The following EIF4G2 variants were observed in gnomAD, a reference collection of about 807,000 sequenced individuals.
EIF4G2 encodes the protein DAP-5.
In EIF4G2, 8 loss-of-function variants were observed where a neutral mutation model predicts 117.7. That is an observed-to-expected ratio of 0.07 (90% CI 0.04 to 0.12). EIF4G2 has a LOEUF of 0.12. Ranked by LOEUF, EIF4G2 falls within the 10% of genes least tolerant of loss-of-function variation. The pLI is 1.00. For synonymous variants in EIF4G2, 413 were observed against 367.8 expected, an observed-to-expected ratio of 1.12 and a Z score of -1.41; for missense variants, 812 against 1,086.2, an observed-to-expected ratio of 0.75 and a Z score of 3.55.
chr11:10,804,171 T>C lies in EIF4G2; in HGVS notation c.516A>G (p.Gln172=). The change falls in exon 7 of 22, where the codon CAA becomes CAG. Residue 172 remains glutamine, a synonymous_variant. Coordinates refer to ENST00000339995, the MANE Select transcript of EIF4G2 (RefSeq NM_001418.4). ...TTCTAGTTCGGTTTTCAAATTCATC[T>C]TGTAATTTGGAAATTAGGAGGCGTC... The C allele has an allele frequency of 6.2e-7, 1 of 1,614,242 alleles. No individual in the cohort carries two copies. The highest frequency in any genetic ancestry group is 8.5e-7 in the Non-Finnish European group (1 of 1,180,038).
chr11:10,801,102 A>G lies in EIF4G2; in HGVS notation c.1414-15T>C. ...CTCAGGCTAATCTGGAATTGAAAAC[A>G]AAATATATCTAAATTAACAACATGC... On this transcript the variant is annotated splice_polypyrimidine_tract_variant and intron_variant, in intron 14 of 21. Transcript: ENST00000339995. The G allele has an allele frequency of 1.2e-6, 2 of 1,613,616 alleles. No homozygotes were observed.
At chr11:10,807,571 G>A in intron 1 of EIF4G2, 190 bp from the exon 2 acceptor site, 1 of 1,251,166 alleles carries the variant, frequency 8.0e-7, no homozygotes. Context: ...CGGTGTTCAA[G>A]GATGCAAAGA....
chr11:10,803,470 A>G lies in EIF4G2; in HGVS notation c.813+10T>C. On this transcript the variant is annotated intron_variant, in intron 9 of 21. Transcript: ENST00000339995. This position sits in a 1 kb window ranked among gnomAD's most constrained non-coding sequence, Gnocchi z 4.0. ...ACTACTTGTACTACTTTCATCAGCT[A>G]CACACGTACCTTGGCTCGTTCATGG... 1.2e-6 allele frequency: 2 copies of G among 1,610,660 alleles called. No individual in the cohort carries two copies. The highest frequency in any genetic ancestry group is 1.3e-5 in the African/African-American group (1 of 74,990).
At chr11:10,801,875 C>G (rs1316520552) in intron 13 of EIF4G2, 101 bp from the exon 14 acceptor site, 3 of 1,246,534 alleles carry the variant, frequency 2.4e-6, no homozygotes, top group Non-Finnish European at 3.4e-6. Context: ...GTTAGTTTAA[C>G]TGAATTTGCC....
In EIF4G2 at chr11:10,802,404, G is replaced by C. The variant is rs376771266; in HGVS notation, c.1028C>G (p.Ala343Gly). Residue 343 changes from alanine (A) to glycine (G), a missense_variant, in exon 12 of 22, where the codon GCT (alanine) becomes GGT (glycine). Coordinates refer to ENST00000339995, the MANE Select transcript of EIF4G2 (RefSeq NM_001418.4). ...AAAGAAGTCACTTCTCATCCCTTGAGCCATAGGAGCAGGAATAAACACCCC... is the reference window on the plus strand; with the variant it reads ...AAAGAAGTCACTTCTCATCCCTTGACCCATAGGAGCAGGAATAAACACCCC... 1 of 1,611,000 alleles carries C rather than the reference G, an allele frequency of 6.2e-7. No homozygotes were observed. The highest frequency in any genetic ancestry group is 1.7e-5 in the Admixed American group (1 of 59,070).
intron 3 of EIF4G2, chr11:10,806,322 G>C: frequency 2.1e-6 from 1 of 471,246 alleles, no homozygotes; most frequent in Non-Finnish European, 3.8e-6. Context: ...CAGTATCAAC[G>C]CTGTGGAACC....
Position 10,800,711 on chromosome 11 carries a change from A to G in EIF4G2, c.1644+20T>C, listed in dbSNP as rs200875926. The stretch of plus-strand genomic sequence containing the variant: ...TCAAATACAGGCTAATTACACTAAA[A>G]TGGGATATTTGAAACTTACAGTTAG... On this transcript the variant is annotated intron_variant, in intron 16 of 21. Coordinates refer to ENST00000339995, the MANE Select transcript of EIF4G2 (RefSeq NM_001418.4). 41 of 1,614,036 alleles carry G rather than the reference A, an allele frequency of 2.5e-5. No individual in the cohort carries two copies. In the African/African-American group the frequency reaches 5.2e-4, roughly 20 times the overall value.
intron 14 of EIF4G2, 168 bp from the exon 15 acceptor site, chr11:10,801,255 T>A (rs868208313): frequency 3.8e-5 from 33 of 874,726 alleles, no homozygotes; most frequent in Middle Eastern, 3.6e-4. Context: ...TGGCAAAAAA[T>A]TTAAAGATCT....
chr11:10,803,430 T>C lies in EIF4G2; in HGVS notation c.813+50A>G. ...TTATGATGTCACAAAAATCAATAGC[T>C]TGATTTAAAGACAAACTACTTGTAC... On this transcript the variant is annotated intron_variant, in intron 9 of 21. Coordinates refer to ENST00000339995, the MANE Select transcript of EIF4G2 (RefSeq NM_001418.4). The surrounding 1 kb of genome is among the most constrained non-coding windows in gnomAD (Gnocchi z 4.0). 1.3e-6 allele frequency: 2 copies of C among 1,584,440 alleles called. No individual in the cohort carries two copies. The highest frequency in any genetic ancestry group is 2.2e-5 in the South Asian group (2 of 90,138).
At chr11:10,801,638 A>G (rs758523077) in intron 14 of EIF4G2, 23 bp downstream of exon 14, 15 of 1,595,732 alleles carry the variant, frequency 9.4e-6, no homozygotes, top group Middle Eastern at 1.7e-4. Flanking sequence ...ACTATGGTAT[A>G]TAAGTAACAT....
Position 10,799,313 on chromosome 11 carries a change from G to C in EIF4G2, c.2436C>G (p.Phe812Leu). Residue 812 changes from phenylalanine to leucine, a missense_variant, in exon 20 of 22, where the codon TTC (phenylalanine) becomes TTG (leucine). By Grantham distance (22) the Phe-to-Leu change is conservative. This residue lies in a region of EIF4G2 where 571 missense variants were observed against 642.3 expected (regional missense o/e 0.89). Coordinates refer to ENST00000339995, the MANE Select transcript of EIF4G2 (RefSeq NM_001418.4). ...GAAGAAATTTCTGCATTACTGGCTT[G>C]AAAGATAGTAGTAGTTGTTTTTCCT... 6.2e-7 allele frequency: 1 copy of C among 1,613,940 alleles called. No homozygotes were observed. Among genetic ancestry groups the C allele is most frequent in the Non-Finnish European group, 8.5e-7 (1 of 1,180,006 alleles).
In EIF4G2 at chr11:10,799,563, G is replaced by A; in HGVS notation, c.2313C>T (p.Ile771=). 1 of 1,613,842 alleles carries A rather than the reference G, an allele frequency of 6.2e-7. No homozygotes were observed. The highest frequency in any genetic ancestry group is 1.3e-5 in the African/African-American group (1 of 75,004). ...ACCATTCGTCTTACCTAGTCATTAA[G>A]ATGTTCACAAATCCTTTATCTACAT... The change falls in exon 19 of 22, where the codon ATC becomes ATT. Residue 771 remains isoleucine, a synonymous_variant. Transcript: ENST00000339995.
At position 10,797,821 on chromosome 11, in the gene EIF4G2, C is replaced by CA; in HGVS notation, c.2718dup (p.Asp907Ter). 1 of 1,613,984 alleles carries CA rather than the reference C, an allele frequency of 6.2e-7. No homozygotes were observed. The highest frequency in any genetic ancestry group is 8.5e-7 in the Non-Finnish European group (1 of 1,179,980). On this transcript the variant is annotated frameshift_variant, in exon 22 of 22. Coordinates refer to ENST00000339995, the MANE Select transcript of EIF4G2 (RefSeq NM_001418.4). LOFTEE classifies it high-confidence loss of function. This position sits in a 1 kb window ranked among gnomAD's most constrained non-coding sequence, Gnocchi z 4.5. ...TTAAGGCTTTGGCTGGTTCTTTAGT[C>CA]AGCTTCTTCCTCTGATTCTTCTTCT...
Position 10,803,176 on chromosome 11 carries a change from C to T in EIF4G2, c.897+35G>A. On this transcript the variant is annotated intron_variant, in intron 10 of 21. Transcript: ENST00000339995. This position sits in a 1 kb window ranked among gnomAD's most constrained non-coding sequence, Gnocchi z 4.0. ...TTTTAATATTCCTAAACCAAAAACT[C>T]AGCTTACCAACAAATTTAAAGAAAC... 1.2e-6 allele frequency: 2 copies of T among 1,607,878 alleles called. No individual in the cohort carries two copies. Among genetic ancestry groups the T allele is most frequent in the South Asian group, 2.2e-5 (2 of 89,282 alleles).
Position 10,799,668 on chromosome 11 carries a change from T to C in EIF4G2, c.2208A>G (p.Glu736=), listed in dbSNP as rs1175118808. Residue 736 remains glutamate, a synonymous_variant, in exon 19 of 22, where the codon GAA becomes GAG. Coordinates refer to ENST00000339995, the MANE Select transcript of EIF4G2 (RefSeq NM_001418.4). ...GATCCAACTTTATTTGCTTCAACAG[T>C]TCCTTCTCCAATTTGAGGAGTGGGA... 2 of 1,614,164 alleles carry C rather than the reference T, an allele frequency of 1.2e-6. No individual in the cohort carries two copies. Among genetic ancestry groups the C allele is most frequent in the South Asian group, 2.2e-5 (2 of 91,082 alleles).
intron 3 of EIF4G2, 88 bp downstream of exon 3, chr11:10,806,732 A>C: frequency 2.8e-6 from 4 of 1,420,800 alleles, no homozygotes; most frequent in Non-Finnish European, 4.0e-6. Flanking sequence ...AGGAGTCTTG[A>C]TGGCTATTGC....
chr11:10,800,741 A>T lies in EIF4G2; in HGVS notation c.1634T>A (p.Leu545His). The T allele has an allele frequency of 6.2e-7, 1 of 1,614,210 alleles. No homozygotes were observed. The highest frequency in any genetic ancestry group is 8.5e-7 in the Non-Finnish European group (1 of 1,180,014). Residue 545 changes from leucine to histidine, a missense_variant, in exon 16 of 22, where the codon CTT becomes CAT. Coordinates refer to ENST00000339995, the MANE Select transcript of EIF4G2 (RefSeq NM_001418.4). ...ATATTTGAAACTTACAGTTAGTTTAAGGAGTTCTTCCTTTGACGGTGGTGG... is the reference window on the plus strand; with the variant it reads ...ATATTTGAAACTTACAGTTAGTTTATGGAGTTCTTCCTTTGACGGTGGTGG...
At chr11:10,799,814 C>G in intron 18 of EIF4G2, 58 bp from the exon 19 acceptor site, 2 of 1,558,306 alleles carry the variant, frequency 1.3e-6, no homozygotes, top group Non-Finnish European at 1.7e-6. Flanking sequence ...GTTGTCCTGT[C>G]CAGAGAGCAG....
chr11:10,799,989 G>T, intron 18 of EIF4G2, 101 bp downstream of exon 18: 1 of 1,334,288 alleles, frequency 7.5e-7, no homozygotes, highest in Non-Finnish European at 1.0e-6. Flanking sequence ...TATCTGAGCA[G>T]GACAATCAGA....
Sources: gnomAD v4.1 joint callset for allele counts on GRCh38, gnomAD v4.1.1 for gene constraint, gnomAD v4.1.1 regional missense constraint, Gnocchi (gnomAD v3.1) non-coding constraint, MANE v1.5 for transcripts, NCBI Gene and HGNC (gene_info 2026-07-23, HGNC 2026-07-21) for gene names.